The following KHDRBS3 variants were observed in gnomAD, a reference collection of about 807,000 sequenced individuals.
KHDRBS3 encodes the protein KH domain-containing, RNA-binding, signal transduction-associated protein 3.
KHDRBS3 carries 23 observed loss-of-function variants against 45.6 expected under a neutral mutation model. The observed-to-expected ratio is 0.50, with a 90% confidence interval of 0.36 to 0.72. The LOEUF (loss-of-function observed/expected upper bound fraction) is 0.72. KHDRBS3 is among the 30% of genes least tolerant of loss of function. The probability of loss-of-function intolerance (pLI) is 0.00; values close to 1 mark genes in which losing one functional copy is unlikely to be tolerated. For synonymous variants in KHDRBS3, 162 were observed against 156.5 expected, an observed-to-expected ratio of 1.04 and a Z score of -0.26; for missense variants, 352 against 424.8, an observed-to-expected ratio of 0.83 and a Z score of 1.51.
intron 5 of KHDRBS3, among the ~76,000 whole-genome samples, chr8:135,576,559 G>A (rs1827954514): frequency 6.6e-6 from 1 of 151,880 alleles, no homozygotes; most frequent in African/African-American, 2.4e-5. Context: ...TAATTTGAGG[G>A]TTTAATTCAA....
intron 8 of KHDRBS3, among the ~76,000 whole-genome samples, chr8:135,645,573 A>T (rs1035888057): frequency 2.0e-5 from 3 of 152,212 alleles, no homozygotes; most frequent in African/African-American, 4.8e-5. Flanking sequence ...GAGTCATTTC[A>T]TAAAGGTTAC....
chr8:135,629,655 T>TA (rs1262500052), intron 7 of KHDRBS3, among the ~76,000 whole-genome samples: 1 of 152,234 alleles, frequency 6.6e-6, no homozygotes, highest in Non-Finnish European at 1.5e-5. Context: ...TGCTTTCACA[T>TA]ACAATCGTAG....
intron 6 of KHDRBS3, among the ~76,000 whole-genome samples, chr8:135,584,240 T>C (rs1380132005): frequency 1.3e-5 from 2 of 152,232 alleles, no homozygotes; most frequent in East Asian, 1.9e-4. Flanking sequence ...TAGCGTTGCC[T>C]TCAAATAACT....
chr8:135,496,614 T>C (rs1489597206), intron 1 of KHDRBS3, among the ~76,000 whole-genome samples: 2 of 152,220 alleles, frequency 1.3e-5, no homozygotes, highest in Non-Finnish European at 2.9e-5. Context: ...TGAAGGAGGC[T>C]ACTTAATAGG....
At chr8:135,519,275 T>G (rs1230615930) in intron 1 of KHDRBS3, among the ~76,000 whole-genome samples, 2 of 152,208 alleles carry the variant, frequency 1.3e-5, no homozygotes, top group African/African-American at 4.8e-5. Context: ...TGATGCCAGC[T>G]GTGTATCCAG....
At chr8:135,620,846 G>A (rs373426229) in intron 7 of KHDRBS3, among the ~76,000 whole-genome samples, 22 of 152,064 alleles carry the variant, frequency 1.4e-4, no homozygotes, top group African/African-American at 4.6e-4. Context: ...GTCCTCCAGC[G>A]GAACCTGCTG....
chr8:135,484,688 C>G (rs970467286), intron 1 of KHDRBS3, among the ~76,000 whole-genome samples: 5 of 152,192 alleles, frequency 3.3e-5, no homozygotes, highest in Admixed American at 2.6e-4. Context: ...ATATTCACAG[C>G]TCCTCCTATA....
At chr8:135,652,081 T>C (rs1041088050), downstream of KHDRBS3, among the ~76,000 whole-genome samples, 13 of 152,240 alleles carry the variant, frequency 8.5e-5, no homozygotes, top group African/African-American at 3.1e-4. Context: ...TAAAGTTTAT[T>C]TTCTGTGCAA....
At chr8:135,608,973 C>T (rs915644280) in intron 7 of KHDRBS3, among the ~76,000 whole-genome samples, 11 of 152,220 alleles carry the variant, frequency 7.2e-5, no homozygotes, top group East Asian at 5.8e-4. Context: ...GAATGCAGCT[C>T]GAAGGACTGG....
chr8:135,529,881 T>C (rs1825381433), intron 2 of KHDRBS3, among the ~76,000 whole-genome samples: 1 of 151,894 alleles, frequency 6.6e-6, no homozygotes, highest in African/African-American at 2.4e-5. Context: ...ACCCTGTCTC[T>C]ACTAAAAATA....
intron 7 of KHDRBS3, among the ~76,000 whole-genome samples, chr8:135,607,728 A>T (rs910586344): frequency 6.6e-6 from 1 of 152,208 alleles, no homozygotes; most frequent in South Asian, 2.1e-4. Context: ...ATATACACAT[A>T]AAACAAAATA....
intron 7 of KHDRBS3, among the ~76,000 whole-genome samples, chr8:135,633,987 A>T (rs73712102): frequency 8.5e-4 from 129 of 152,346 alleles, no homozygotes; most frequent in African/African-American, 3.0e-3. Context: ...AGTATCACCC[A>T]GAGTACTTTC....
At chr8:135,575,741 A>T (rs1442503178) in intron 5 of KHDRBS3, among the ~76,000 whole-genome samples, 2 of 152,136 alleles carry the variant, frequency 1.3e-5, no homozygotes, top group African/African-American at 4.8e-5. Flanking sequence ...TATATCCTGC[A>T]TGTGGTTTTT....
At chr8:135,603,718 G>A (rs1187073779) in intron 6 of KHDRBS3, among the ~76,000 whole-genome samples, 4 of 152,052 alleles carry the variant, frequency 2.6e-5, no homozygotes, top group Non-Finnish European at 4.4e-5. Flanking sequence ...TACAAAGACA[G>A]CACCATCCCT....
At chr8:135,510,538 G>T (rs1824227150) in intron 1 of KHDRBS3, among the ~76,000 whole-genome samples, 1 of 152,138 alleles carries the variant, frequency 6.6e-6, no homozygotes, top group African/African-American at 2.4e-5. Context: ...GCGTTCAAGT[G>T]ATTCTCCTGC....
intron 7 of KHDRBS3, among the ~76,000 whole-genome samples, chr8:135,639,133 G>A (rs960446289): frequency 6.6e-6 from 1 of 152,188 alleles, no homozygotes; most frequent in African/African-American, 2.4e-5. Context: ...ATTGACCATT[G>A]AATTTAGCAA....
At chr8:135,557,897 T>A (rs915612773) in intron 5 of KHDRBS3, among the ~76,000 whole-genome samples, 1 of 152,196 alleles carries the variant, frequency 6.6e-6, no homozygotes, top group Admixed American at 6.6e-5. Context: ...TTAAGGGGAT[T>A]TACTTTGGAG....
rs1825078517 is a variant in KHDRBS3, at chr8:135,524,502, T to G, written c.207+3147T>G. Among the ~76,000 whole-genome samples, 3 of 152,230 alleles carry G rather than the reference T, an allele frequency of 2.0e-5. No homozygotes were observed. The South Asian group carries it at 6.2e-4, about 32-fold the overall frequency. On this transcript the variant is annotated intron_variant, in intron 2 of 8. Transcript: ENST00000355849. Reference sequence around the variant, plus strand: ...GGAGTTTGATAATGAATTCAGTATCTTTGGTATGACACTAGACAGATTTCC... The same window carrying G: ...GGAGTTTGATAATGAATTCAGTATCGTTGGTATGACACTAGACAGATTTCC...
chr8:135,654,345 A>G (rs1056310807), intron 4 of KHDRBS3, among the ~76,000 whole-genome samples: 4 of 152,214 alleles, frequency 2.6e-5, no homozygotes, highest in Non-Finnish European at 5.9e-5. Flanking sequence ...AAGTAGACCT[A>G]CTGGGCTTTT....
Sources: gnomAD v4.1 joint callset for allele counts (sites outside exome capture counted in the v4.1 genomes callset) on GRCh38, gnomAD v4.1.1 for gene constraint, MANE v1.5 for transcripts, NCBI Gene and HGNC (gene_info 2026-07-23, HGNC 2026-07-21) for gene names.